The following FANCA variants were observed in gnomAD, a reference collection of about 807,000 sequenced individuals.
FANCA encodes Fanconi anemia group A protein.
Under a neutral mutation model 194.3 loss-of-function variants are expected in FANCA, and 236 were observed. That is an observed-to-expected ratio of 1.21 (90% CI 1.09 to 1.35). FANCA has a LOEUF of 1.35. Among genes scored for constraint, FANCA ranks in the 40% most tolerant of loss-of-function variants. FANCA has a pLI of 0.00. For missense variants in FANCA, 2,628 were observed against 1,813.9 expected (o/e 1.45, Z -8.15); for synonymous variants, 1,014 against 715.8 (o/e 1.42, Z -6.65).
intron 17 of FANCA, among the ~76,000 whole-genome samples, chr16:89,781,252 TACTCGGGAGGCTGAGGCA>T (rs2039690499): frequency 6.7e-6 from 1 of 148,222 alleles, no homozygotes; most frequent in Non-Finnish European, 1.5e-5. Flanking sequence ...TAGTCCCAGC[TACTCGGGAGGCTGAGGCA>T]GGAGAATGGC....
chr16:89,747,237 C>T (rs2038422665), intron 33 of FANCA, among the ~76,000 whole-genome samples: 1 of 152,218 alleles, frequency 6.6e-6, no homozygotes, highest in Non-Finnish European at 1.5e-5. Context: ...GGCCAACCAT[C>T]CTCTGGTCCC....
In FANCA at chr16:89,738,309, C is replaced by A. The variant is rs2062018328; in HGVS notation, c.*292G>T. The A allele has an allele frequency of 8.5e-6, 13 of 1,526,828 alleles. 1 individual carries two copies. The South Asian group carries it at 1.3e-4, about 16-fold the overall frequency. The allele number at this position is 1,526,828 out of a possible 1,614,324, so 94.6% of individuals were successfully genotyped here. A position where few individuals can be genotyped will look rare whatever the true frequency, so the allele number is the denominator to read the frequency against. On this transcript the variant is annotated 3_prime_UTR_variant, in exon 43 of 43. Coordinates refer to ENST00000389301, the MANE Select transcript of FANCA (RefSeq NM_000135.4). ...CTCCGCAGTGGCTGTGTCAGCCTCA[C>A]CCTTCGTGTGCACCCGCATGGGAGG...
Position 89,775,791 on chromosome 16 carries a change from C to A in FANCA, c.1851G>T (p.Leu617=). ...AGCAGGCCTGGCAGTAGGTGGAGTA[C>A]AGAGATGGGGGGATTTTATCTGCTC... The part of the protein sequence containing the change: ...LKRADKIPPS[L]YSTYCQACSA... Residue 617 remains leucine, a synonymous_variant, in exon 21 of 43, where the codon CTG becomes CTT. Coordinates refer to ENST00000389301, the MANE Select transcript of FANCA (RefSeq NM_000135.4). The A allele has an allele frequency of 6.2e-7, 1 of 1,612,704 alleles. No homozygotes were observed. The highest frequency in any genetic ancestry group is 8.5e-7 in the Non-Finnish European group (1 of 1,179,354).
Position 89,742,900 on chromosome 16 carries a change from G to C in FANCA, c.3665C>G (p.Pro1222Arg), listed in dbSNP as rs374537936. 4 of 1,614,106 alleles carry C rather than the reference G, an allele frequency of 2.5e-6. No individual in the cohort carries two copies. The highest frequency in any genetic ancestry group is 3.4e-6 in the Non-Finnish European group (4 of 1,180,010). ...CAGTGCAGCAGCTGAGAGCCAGTCC[G>C]GGTTGGGTGCTGGGGAGGCAGCCTC... Reference protein sequence around the residue: ...SPEAASPAPNPDWLSAAALHF... With the variant: ...SPEAASPAPNRDWLSAAALHF... Residue 1222 changes from proline (P) to arginine (R), a missense_variant, in exon 37 of 43, where the codon CCG (proline) becomes CGG (arginine). Transcript: ENST00000389301.
At chr16:89,777,601 T>C (rs1443135119) in intron 20 of FANCA, among the ~76,000 whole-genome samples, 1 of 151,910 alleles carries the variant, frequency 6.6e-6, no homozygotes, top group African/African-American at 2.4e-5. Context: ...TCTTTGTGTT[T>C]ATCTTCTTAC....
intron 31 of FANCA, 116 bp downstream of exon 31, chr16:89,752,022 G>C: frequency 1.2e-6 from 1 of 863,200 alleles, no homozygotes. Flanking sequence ...CGCCTGCCTC[G>C]GCCTCCCAAA....
At position 89,799,461 on chromosome 16, in the gene FANCA, A is replaced by G. The variant is rs1034404817; in HGVS notation, c.826+144T>C. ...TCCCTTCACAGCTCTGAAAATGCCA[A>G]AACAAGGGCATTCCAGTACCAGGAC... On this transcript the variant is annotated intron_variant, in intron 9 of 42. Coordinates refer to ENST00000389301, the MANE Select transcript of FANCA (RefSeq NM_000135.4). 3 of 1,000,294 alleles carry G rather than the reference A, an allele frequency of 3.0e-6. No individual in the cohort carries two copies. The African/African-American group carries it at 4.8e-5, about 16-fold the overall frequency. 62.0% of individuals were successfully genotyped at this position (1,000,294 alleles called of 1,614,324 possible).
chr16:89,815,611 C>T (rs2041080463), intron 2 of FANCA, among the ~76,000 whole-genome samples: 1 of 152,152 alleles, frequency 6.6e-6, no homozygotes, highest in African/African-American at 2.4e-5. Flanking sequence ...CCGCCTTGGC[C>T]TCCCCAAAAG....
chr16:89,786,186 T>C (rs1368059957), intron 14 of FANCA, among the ~76,000 whole-genome samples: 3 of 151,094 alleles, frequency 2.0e-5, no homozygotes, highest in Admixed American at 1.3e-4. Context: ...GCCCGGTTTT[T>C]TTTTTCCTTT....
chr16:89,813,321 T>A (rs920705845), intron 3 of FANCA, among the ~76,000 whole-genome samples: 1 of 150,700 alleles, frequency 6.6e-6, no homozygotes, highest in Admixed American at 6.6e-5. Flanking sequence ...GGTGGGAGGA[T>A]CACTTGAGGC....
intron 6 of FANCA, among the ~76,000 whole-genome samples, chr16:89,806,347 CTTT>C (rs34862478): frequency 1.2e-4 from 13 of 110,448 alleles, no homozygotes; most frequent in East Asian, 9.3e-4. Flanking sequence ...CTATATCATT[CTTT>C]TTTTTTTTTT....
Position 89,779,948 on chromosome 16 carries a change from G to C in FANCA, c.1636C>G (p.Gln546Glu). 1 of 1,614,172 alleles carries C rather than the reference G, an allele frequency of 6.2e-7. No homozygotes were observed. The highest frequency in any genetic ancestry group is 8.5e-7 in the Non-Finnish European group (1 of 1,180,002). ...GCCTTTTCAACATCCTGAAGAGCTT[G>C]GCTGTGGGGCTGGTTCCCATACAGG... ...SAGDITEPHS[Q>E]ALQDVEKAIM... The change falls in exon 18 of 43, where the codon CAA becomes GAA. Residue 546 changes from glutamine to glutamate, a missense_variant. Gln to Glu is a conservative substitution (Grantham distance 29). Coordinates refer to ENST00000389301, the MANE Select transcript of FANCA (RefSeq NM_000135.4).
At chr16:89,793,511 G>T (rs2040146413) in intron 11 of FANCA, among the ~76,000 whole-genome samples, 1 of 152,120 alleles carries the variant, frequency 6.6e-6, no homozygotes, top group Non-Finnish European at 1.5e-5. Flanking sequence ...TCTATATCTG[G>T]TATAACTATT....
intron 30 of FANCA, among the ~76,000 whole-genome samples, chr16:89,757,530 C>A (rs911949952): frequency 6.6e-5 from 10 of 152,314 alleles, no homozygotes; most frequent in African/African-American, 2.4e-4. Flanking sequence ...TATTAAACAT[C>A]CCAAACAGGC....
intron 5 of FANCA, among the ~76,000 whole-genome samples, chr16:89,809,575 C>A (rs966298961): frequency 2.0e-5 from 3 of 151,674 alleles, no homozygotes; most frequent in African/African-American, 7.3e-5. Context: ...TTGGGCAGGG[C>A]GCGGTGACTC....
chr16:89,740,660 G>A (rs1382996836), intron 38 of FANCA, 144 bp downstream of exon 38: 21 of 630,966 alleles, frequency 3.3e-5, no homozygotes, highest in Admixed American at 2.4e-4. Flanking sequence ...AAAAACCCAC[G>A]GCCTGGGAGT....
chr16:89,798,554 C>A (rs1370978216), intron 10 of FANCA: 6 of 1,134,376 alleles, frequency 5.3e-6, no homozygotes, highest in Non-Finnish European at 6.5e-6. Flanking sequence ...CCCCTGCCCA[C>A]ACTAGAGGGA....
intron 14 of FANCA, among the ~76,000 whole-genome samples, chr16:89,787,025 G>T (rs1346258455): frequency 6.6e-6 from 1 of 152,204 alleles, no homozygotes; most frequent in Non-Finnish European, 1.5e-5. Flanking sequence ...GTCGCCAAAG[G>T]CATTTCTGTA....
At chr16:89,796,668 T>C (rs974856302) in intron 10 of FANCA, among the ~76,000 whole-genome samples, 1 of 152,104 alleles carries the variant, frequency 6.6e-6, no homozygotes, top group Non-Finnish European at 1.5e-5. Flanking sequence ...CCAGACCCTC[T>C]CGTGAGGCTT....
Sources: allele counts gnomAD v4.1 joint callset (sites outside exome capture counted in the v4.1 genomes callset), GRCh38; gene constraint gnomAD v4.1.1; transcripts MANE v1.5; gene names NCBI Gene and HGNC (gene_info 2026-07-23, HGNC 2026-07-21).